SOX6: variants seen among roughly 807,000 people sequenced by gnomAD.
SOX6 encodes the protein SRY-box transcription factor 6, also known as transcription factor SOX-6.
A neutral mutation model predicts 97.8 loss-of-function variants in SOX6; 11 were observed. The ratio of observed to expected loss-of-function variants is 0.11; its 90% CI spans 0.07 to 0.19. The LOEUF is 0.19. Among genes scored for constraint, SOX6 ranks in the 10% least tolerant of loss-of-function variants. The probability of loss-of-function intolerance (pLI) is 1.00; values close to 1 mark genes in which losing one functional copy is unlikely to be tolerated. For missense variants in SOX6, 810 were observed against 1,039.5 expected, an observed-to-expected ratio of 0.78 and a Z score of 3.04; for synonymous variants, 360 against 371.4, an observed-to-expected ratio of 0.97 and a Z score of 0.35.
intron 4 of SOX6, among the ~76,000 whole-genome samples, chr11:16,200,834 G>A (rs900706276): frequency 6.6e-5 from 10 of 152,232 alleles, no homozygotes; most frequent in Non-Finnish European, 1.0e-4. Context: ...GGCTGGGCGC[G>A]ATGGCTCCTG....
chr11:16,189,064 A>G (rs144743284), intron 4 of SOX6, among the ~76,000 whole-genome samples: 3 of 152,256 alleles, frequency 2.0e-5, no homozygotes, highest in Non-Finnish European at 2.9e-5. Context: ...CTCCATCTCA[A>G]AAACAAACAA....
chr11:16,551,620 T>C (rs1470190925), intron 4 of SOX6, among the ~76,000 whole-genome samples: 4 of 152,090 alleles, frequency 2.6e-5, no homozygotes, highest in Non-Finnish European at 5.9e-5. Flanking sequence ...ATATATTTTT[T>C]TGAGACAGAG....
intron 1 of SOX6, among the ~76,000 whole-genome samples, chr11:16,396,399 T>TAC (rs1049411535): frequency 1.3e-5 from 2 of 151,686 alleles, no homozygotes; most frequent in African/African-American, 4.8e-5. Flanking sequence ...TTTTCACAAA[T>TAC]ACACACACAC....
intron 4 of SOX6, among the ~76,000 whole-genome samples, chr11:16,525,018 G>A (rs1861133575): frequency 6.6e-6 from 1 of 152,172 alleles, no homozygotes; most frequent in Non-Finnish European, 1.5e-5. Context: ...CATGCTCATG[G>A]GTAGGAAGAC....
intron 3 of SOX6, among the ~76,000 whole-genome samples, chr11:16,704,765 A>G (rs1334764524): frequency 6.6e-6 from 1 of 152,248 alleles, no homozygotes; most frequent in African/African-American, 2.4e-5. Flanking sequence ...ATAGTTCAGT[A>G]ACCAGCCTTC....
At chr11:16,469,372 G>C (rs147640359) in intron 1 of SOX6, among the ~76,000 whole-genome samples, 115 of 152,072 alleles carry the variant, frequency 7.6e-4, no homozygotes, top group African/African-American at 2.6e-3. Flanking sequence ...AGATTCTTAA[G>C]AAATACAAGC....
intron 1 of SOX6, among the ~76,000 whole-genome samples, chr11:16,387,942 C>A (rs566409636): frequency 6.6e-6 from 1 of 152,138 alleles, no homozygotes; most frequent in East Asian, 1.9e-4. Context: ...GCTTTCTTGT[C>A]TTGCCTCATT....
chr11:16,492,216 G>T (rs1474424755), intron 4 of SOX6, among the ~76,000 whole-genome samples: 1 of 152,176 alleles, frequency 6.6e-6, no homozygotes, highest in Non-Finnish European at 1.5e-5. Context: ...GCATCTTTTA[G>T]TGTGGAAAAA....
intron 4 of SOX6, among the ~76,000 whole-genome samples, chr11:16,192,447 A>G (rs966257844): frequency 6.6e-6 from 1 of 152,190 alleles, no homozygotes; most frequent in African/African-American, 2.4e-5. Flanking sequence ...TAGGAAGTCA[A>G]TAATGCGTAA....
chr11:16,035,155 C>T (rs1450931899), intron 12 of SOX6, among the ~76,000 whole-genome samples: 1 of 152,136 alleles, frequency 6.6e-6, no homozygotes, highest in Non-Finnish European at 1.5e-5. Flanking sequence ...TCATGTACAG[C>T]CATATATAAT....
intron 6 of SOX6, among the ~76,000 whole-genome samples, chr11:16,182,110 A>T (rs1252570608): frequency 6.6e-6 from 1 of 151,822 alleles, no homozygotes; most frequent in African/African-American, 2.4e-5. Context: ...AATACACACT[A>T]AAAATATTTC....
intron 13 of SOX6, among the ~76,000 whole-genome samples, chr11:16,001,379 T>C (rs1854404634): frequency 6.6e-6 from 1 of 152,138 alleles, no homozygotes; most frequent in South Asian, 2.1e-4. Flanking sequence ...GCAGATATCT[T>C]TTCACCCACT....
rs79725803 is a variant in SOX6 at position 16,241,960 on chromosome 11, C to T, written c.446-7289G>A. On this transcript the variant is annotated intron_variant, in intron 3 of 15. Transcript: ENST00000683767. ...TTCCTGGGCTTTTGGTAATGTAAGC[C>T]AATACATTCCTATTAATTTGAGTTG... Among the ~76,000 whole-genome samples, 777 of 152,014 alleles carry T rather than the reference C, an allele frequency of 5.1e-3. 7 individuals carry two copies. The highest frequency in any genetic ancestry group is 0.02 in the Middle Eastern group (6 of 294).
At chr11:16,310,517 G>T (rs983411573) in intron 3 of SOX6, among the ~76,000 whole-genome samples, 2 of 151,862 alleles carry the variant, frequency 1.3e-5, no homozygotes, top group African/African-American at 2.4e-5. Flanking sequence ...TTTAAAACAG[G>T]AGCAAGGACA....
chr11:16,243,110 C>T (rs1853240895), intron 3 of SOX6, among the ~76,000 whole-genome samples: 1 of 151,968 alleles, frequency 6.6e-6, no homozygotes, highest in African/African-American at 2.4e-5. Context: ...CTCAATTATG[C>T]CTTGATTCAT....
At chr11:16,070,358 A>G (rs1317627228) in intron 9 of SOX6, among the ~76,000 whole-genome samples, 3 of 152,002 alleles carry the variant, frequency 2.0e-5, no homozygotes, top group South Asian at 4.2e-4. Flanking sequence ...CAAAGGTCCT[A>G]CCCTTACACT....
chr11:16,538,650 C>CA (rs201291654), intron 4 of SOX6, among the ~76,000 whole-genome samples: 2,134 of 149,586 alleles, frequency 0.014, 38 homozygotes, highest in East Asian at 0.051. Flanking sequence ...AAATGGAAAA[C>CA]AAAAAAAAAG....
intron 4 of SOX6, among the ~76,000 whole-genome samples, chr11:16,558,314 C>T (rs1380552706): frequency 6.6e-6 from 1 of 151,970 alleles, no homozygotes; most frequent in African/African-American, 2.4e-5. Flanking sequence ...CTTGACATCA[C>T]CTGGAAATTT....
chr11:16,448,559 C>A (rs1039750012), intron 1 of SOX6, among the ~76,000 whole-genome samples: 1 of 152,132 alleles, frequency 6.6e-6, no homozygotes, highest in African/African-American at 2.4e-5. Context: ...TTTCCATCAC[C>A]TACTTACACT....
Sources: gnomAD v4.1 joint callset for allele counts (sites outside exome capture counted in the v4.1 genomes callset) on GRCh38, gnomAD v4.1.1 for gene constraint, MANE v1.5 for transcripts, NCBI Gene and HGNC (gene_info 2026-07-23, HGNC 2026-07-21) for gene names.